Variants in OSBPL8 observed in about 807,000 individuals in gnomAD.
OSBPL8 encodes the protein oxysterol-binding protein-related protein 8.
Under a neutral mutation model 125.5 loss-of-function variants are expected in OSBPL8, and 59 were observed. That is an observed-to-expected ratio of 0.47 (90% CI 0.38 to 0.58). The LOEUF is 0.58. OSBPL8 is among the 20% of genes least tolerant of loss of function. The probability of loss-of-function intolerance (pLI) is 0.00; values close to 1 mark genes in which losing one functional copy is unlikely to be tolerated. For synonymous variants in OSBPL8, 330 were observed against 338.9 expected (o/e 0.97, Z 0.29); for missense variants, 758 against 1,047.8 (o/e 0.72, Z 3.82).
At chr12:76,403,624 T>C (rs1954138654) in intron 5 of OSBPL8, among the ~76,000 whole-genome samples, 1 of 152,202 alleles carries the variant, frequency 6.6e-6, no homozygotes, top group Non-Finnish European at 1.5e-5. Flanking sequence ...AACATACTCC[T>C]TCAATGTCCA....
chr12:76,481,808 T>A (rs746337142), intron 2 of OSBPL8, among the ~76,000 whole-genome samples: 8 of 152,318 alleles, frequency 5.3e-5, no homozygotes, highest in African/African-American at 1.9e-4. Context: ...ATACTTGCTG[T>A]AGCAAAAAGT....
chr12:76,436,177 CT>C (rs1403160896), intron 4 of OSBPL8, among the ~76,000 whole-genome samples: 1 of 152,090 alleles, frequency 6.6e-6, no homozygotes, highest in Non-Finnish European at 1.5e-5. Context: ...ATGCTTGCAT[CT>C]TTTTACTTAC....
intron 2 of OSBPL8, among the ~76,000 whole-genome samples, chr12:76,475,256 CTT>C (rs77708693): frequency 0.17 from 26,566 of 152,064 alleles, 2,878 homozygotes; most frequent in Non-Finnish European, 0.26. Flanking sequence ...TGTCTTAAAA[CTT>C]GGGAGAAAGA....
intron 4 of OSBPL8, among the ~76,000 whole-genome samples, chr12:76,441,683 C>G (rs1443713088): frequency 1.3e-5 from 2 of 151,702 alleles, no homozygotes; most frequent in South Asian, 2.1e-4. Context: ...TATAAAAGAA[C>G]ATTTTTTCAA....
intron 21 of OSBPL8, among the ~76,000 whole-genome samples, chr12:76,364,563 T>C (rs1157634180): frequency 6.6e-6 from 1 of 152,138 alleles, no homozygotes; most frequent in Non-Finnish European, 1.5e-5. Context: ...GACAGGTTGA[T>C]GGGTGCAGCA....
chr12:76,548,376 T>C (rs1950841627), intron 1 of OSBPL8, among the ~76,000 whole-genome samples: 1 of 152,128 alleles, frequency 6.6e-6, no homozygotes, highest in Non-Finnish European at 1.5e-5. Flanking sequence ...AGCATGATTA[T>C]AAAGTAAATG....
intron 4 of OSBPL8, chr12:76,423,204 G>A (rs1354433908): frequency 6.6e-6 from 1 of 152,154 alleles, no homozygotes; most frequent in Non-Finnish European, 1.5e-5. Flanking sequence ...GCTTGCCTCA[G>A]CCATGATTAA....
chr12:76,552,428 C>CAAAAA (rs55942644), intron 1 of OSBPL8, among the ~76,000 whole-genome samples: 1 of 54,856 alleles, frequency 1.8e-5, no homozygotes, highest in African/African-American at 7.3e-5. Context: ...CCCATGTCTC[C>CAAAAA]AAAAAAAAAA....
Position 76,435,553 on chromosome 12 carries a change from C to T in OSBPL8, c.217+15298G>A, listed in dbSNP as rs570763705. On this transcript the variant is annotated intron_variant, in intron 4 of 23. Coordinates refer to ENST00000261183, the MANE Select transcript of OSBPL8 (RefSeq NM_020841.5). The stretch of plus-strand genomic sequence containing the variant: ...ATGTTAACTGATCTCACAACACATG[C>T]CAAAAAATGGTAATGGTGAGGTGAT... Among the ~76,000 whole-genome samples, 55 of 151,840 alleles carry T rather than the reference C, an allele frequency of 3.6e-4. No homozygotes were observed. The South Asian group carries it at 0.011, about 30-fold the overall frequency.
chr12:76,487,310 T>G (rs1157900149), intron 2 of OSBPL8, among the ~76,000 whole-genome samples, 200 bp downstream of exon 2: 1 of 152,146 alleles, frequency 6.6e-6, no homozygotes, highest in African/African-American at 2.4e-5. Context: ...GGATTACAGG[T>G]GTGAGCCACC....
At chr12:76,361,333 C>A (rs1196047826) in intron 21 of OSBPL8, among the ~76,000 whole-genome samples, 1 of 152,188 alleles carries the variant, frequency 6.6e-6, no homozygotes, top group Non-Finnish European at 1.5e-5. Flanking sequence ...ACAAGTTCCT[C>A]ATCTCCATCT....
chr12:76,396,043 T>C (rs541292887), intron 8 of OSBPL8, among the ~76,000 whole-genome samples: 4 of 150,746 alleles, frequency 2.7e-5, no homozygotes, highest in Non-Finnish European at 4.4e-5. Flanking sequence ...TTTTTGTATA[T>C]GTATATATAT....
chr12:76,463,273 T>TA (rs950506901), intron 2 of OSBPL8, among the ~76,000 whole-genome samples: 1 of 151,898 alleles, frequency 6.6e-6, no homozygotes, highest in Non-Finnish European at 1.5e-5. Flanking sequence ...AAATGTGAGA[T>TA]AAAAAAGGCA....
chr12:76,538,447 T>C (rs1378545781), intron 1 of OSBPL8, among the ~76,000 whole-genome samples: 1 of 152,136 alleles, frequency 6.6e-6, no homozygotes, highest in Non-Finnish European at 1.5e-5. Flanking sequence ...TGTTTTTTTG[T>C]TGAAAGAAGA....
At chr12:76,423,603 G>A (rs1045969043) in intron 4 of OSBPL8, among the ~76,000 whole-genome samples, 3 of 152,046 alleles carry the variant, frequency 2.0e-5, no homozygotes, top group African/African-American at 4.8e-5. Flanking sequence ...TTGACTCCAC[G>A]TCATTAAATC....
chr12:76,471,236 G>C (rs1391612115), intron 2 of OSBPL8, among the ~76,000 whole-genome samples: 1 of 152,080 alleles, frequency 6.6e-6, no homozygotes, highest in Non-Finnish European at 1.5e-5. Flanking sequence ...AACTGTATGG[G>C]ACACCAAGCC....
intron 15 of OSBPL8, among the ~76,000 whole-genome samples, chr12:76,383,374 T>C (rs1751871817): frequency 7.5e-6 from 1 of 132,802 alleles, no homozygotes; most frequent in Admixed American, 8.3e-5. Context: ...GCAATCACCA[T>C]CTTAAACAAA....
At chr12:76,494,550 GCAGAATTCTA>G (rs1291633519) in intron 1 of OSBPL8, among the ~76,000 whole-genome samples, 1 of 152,168 alleles carries the variant, frequency 6.6e-6, no homozygotes, top group African/African-American at 2.4e-5. Flanking sequence ...CTGAGAAGAA[GCAGAATTCTA>G]CATGAATTTT....
intron 12 of OSBPL8, among the ~76,000 whole-genome samples, chr12:76,389,009 A>ATTGG (rs1953443032): frequency 6.6e-6 from 1 of 152,178 alleles, no homozygotes; most frequent in Non-Finnish European, 1.5e-5. Flanking sequence ...GGCATCAGGT[A>ATTGG]AGAATTGGAA....
Sources: allele counts gnomAD v4.1 joint callset (sites outside exome capture counted in the v4.1 genomes callset), GRCh38; gene constraint gnomAD v4.1.1; transcripts MANE v1.5; gene names NCBI Gene and HGNC (gene_info 2026-07-23, HGNC 2026-07-21).